The following GLI2 variants were observed in gnomAD, a reference collection of about 807,000 sequenced individuals.
The protein encoded by GLI2 is GLI family zinc finger 2.
Under a neutral mutation model 78.9 loss-of-function variants are expected in GLI2, and 22 were observed. The observed-to-expected ratio is 0.28, with a 90% CI of 0.20 to 0.40. The LOEUF is 0.40. Ranked by LOEUF, GLI2 falls within the 10% of genes least tolerant of loss-of-function variation. GLI2 has a pLI of 1.00. For missense variants in GLI2, 2,097 were observed against 2,213.2 expected (o/e 0.95, Z 1.05); for synonymous variants, 974 against 963.7 (o/e 1.01, Z -0.20).
chr2:120,841,067 C>T (rs995292105), intron 2 of GLI2, among the ~76,000 whole-genome samples: 5 of 152,132 alleles, frequency 3.3e-5, no homozygotes, highest in Non-Finnish European at 2.9e-5. Flanking sequence ...CCTTGTTGAT[C>T]GTATGGCTGA....
chr2:120,949,514 A>G (rs1680877411), intron 3 of GLI2, among the ~76,000 whole-genome samples: 1 of 152,242 alleles, frequency 6.6e-6, no homozygotes, highest in Non-Finnish European at 1.5e-5. Context: ...TTGAGCCTGG[A>G]ACAGTGCACC....
intron 5 of GLI2, among the ~76,000 whole-genome samples, chr2:120,966,453 A>G (rs1681861376): frequency 6.6e-6 from 1 of 152,068 alleles, no homozygotes; most frequent in Non-Finnish European, 1.5e-5. Flanking sequence ...CCTTCATCCC[A>G]GGCTGCTGGC....
chr2:120,893,100 A>G (rs1368731690), intron 2 of GLI2, among the ~76,000 whole-genome samples: 2 of 152,242 alleles, frequency 1.3e-5, no homozygotes, highest in Admixed American at 1.3e-4. Context: ...TGACTAAGGC[A>G]TCTTGCCACA....
At chr2:120,957,546 G>A (rs139123721) in intron 5 of GLI2, among the ~76,000 whole-genome samples, 1 of 152,352 alleles carries the variant, frequency 6.6e-6, no homozygotes, top group East Asian at 1.9e-4. Flanking sequence ...TCAGCTTCCT[G>A]CAAGCAGGAC....
intron 3 of GLI2, among the ~76,000 whole-genome samples, chr2:120,931,342 G>A (rs965419549): frequency 1.3e-5 from 2 of 152,142 alleles, no homozygotes; most frequent in African/African-American, 4.8e-5. Flanking sequence ...CTAGTCTGTG[G>A]GAGTTTTCTC....
chr2:120,982,864 G>T lies in GLI2; in HGVS notation c.1616G>T (p.Arg539Leu), dbSNP rs1682778434. ...TCGGACCGCGCCAAGCACCAGAATC[G>T]CACCCACTCCAACGAGGTACCTCTG... is the stretch of plus-strand genomic sequence containing the variant. ...NASDRAKHQN[R>L]THSNEKPYIC... Residue 539 changes from arginine (R) to leucine (L), a missense_variant, in exon 11 of 14, where the codon CGC (arginine) becomes CTC (leucine). Transcript: ENST00000361492. 1 of 1,613,974 alleles carries T rather than the reference G, an allele frequency of 6.2e-7. No homozygotes were observed.
At position 120,988,304 on chromosome 2, in the gene GLI2, C is replaced by G. The variant is rs1683081136; in HGVS notation, c.2339C>G (p.Thr780Ser). The G allele has an allele frequency of 3.2e-6, 5 of 1,562,476 alleles. No homozygotes were observed. The highest frequency in any genetic ancestry group is 1.8e-5 in the Admixed American group (1 of 56,510). Residue 780 changes from threonine (T) to serine (S), a missense_variant, in exon 14 of 14, where the codon ACC (threonine) becomes AGC (serine). Transcript: ENST00000361492. ...TCGGAGCTGTCCGCGAGCGAGGTGA[C>G]CATGCTGAGCCAGCTGCAGGAGCGC... is the stretch of plus-strand genomic sequence containing the variant. ...RLSELSASEV[T>S]MLSQLQERRD...
chr2:120,779,920 G>A lies in GLI2; in HGVS notation c.-30-17371G>A, dbSNP rs74406745. The stretch of plus-strand genomic sequence containing the variant: ...TTAGAGAGTGTATACGTGTGTGAGT[G>A]TGTGTTTGTGTGTGCGTATGTGTCA... On this transcript the variant is annotated intron_variant, in intron 1 of 13. Transcript: ENST00000361492. Among the ~76,000 whole-genome samples the A allele has an allele frequency of 9.0e-3, 1,364 of 152,330 alleles. 14 individuals carry two copies. The highest frequency in any genetic ancestry group is 0.031 in the African/African-American group (1,277 of 41,572).
intron 3 of GLI2, among the ~76,000 whole-genome samples, chr2:120,932,337 C>T (rs1679983074): frequency 6.6e-6 from 1 of 152,166 alleles, no homozygotes; most frequent in Admixed American, 6.5e-5. Flanking sequence ...CCTTGCACCT[C>T]CTGCTTTCCA....
rs887719452 is a variant in GLI2, at chr2:120,989,365, T to A, written c.3400T>A (p.Ser1134Thr). ...GCCTGTGCAGTGGAATGAGGTGAGC[T>A]CCGGCACCGTAGACGCCCTGGCCAG... Reference protein sequence around the residue: ...NMPVQWNEVSSGTVDALASQV... With the variant: ...NMPVQWNEVSTGTVDALASQV... Residue 1134 changes from serine (S) to threonine (T), a missense_variant, in exon 14 of 14, where the codon TCC becomes ACC. Ser to Thr is a moderately conservative substitution (Grantham distance 58). This residue lies in a region of GLI2 where 1,290 missense variants were observed against 1,261.7 expected (regional missense o/e 1.02). Coordinates refer to ENST00000361492, the MANE Select transcript of GLI2 (RefSeq NM_001374353.1). The A allele has an allele frequency of 1.2e-6, 2 of 1,612,806 alleles. No individual in the cohort carries two copies. Among genetic ancestry groups the A allele is most frequent in the Non-Finnish European group, 1.7e-6 (2 of 1,179,988 alleles).
At chr2:120,770,863 G>C (rs943196747) in intron 1 of GLI2, among the ~76,000 whole-genome samples, 3 of 152,200 alleles carry the variant, frequency 2.0e-5, no homozygotes, top group Non-Finnish European at 2.9e-5. Context: ...GCTGGGACCT[G>C]GTGGAAGGGG....
intron 2 of GLI2, among the ~76,000 whole-genome samples, chr2:120,921,892 A>C (rs547947649): frequency 1.4e-4 from 22 of 152,200 alleles, no homozygotes; most frequent in African/African-American, 5.3e-4. Context: ...TGCTGAAATC[A>C]CTGAGTTCTC....
chr2:120,738,568 C>G (rs1000627088), intron 1 of GLI2, among the ~76,000 whole-genome samples: 1 of 152,124 alleles, frequency 6.6e-6, no homozygotes, highest in African/African-American at 2.4e-5. Flanking sequence ...GCCCAGCTGC[C>G]CAGGAGGTAT....
At chr2:120,935,950 G>C (rs73949985) in intron 3 of GLI2, among the ~76,000 whole-genome samples, 1 of 152,176 alleles carries the variant, frequency 6.6e-6, no homozygotes, top group Admixed American at 6.5e-5. Context: ...GTGGTCAGCC[G>C]AGAGCAGGAG....
Position 120,800,493 on chromosome 2 carries a change from T to TA in GLI2, c.148+3025_148+3026insA, listed in dbSNP as rs58178343. ...GATGATTTATTATTATTATTATTAT[T>TA]TTATTTTTTATTTTTATTTATTTAT... On this transcript the variant is annotated intron_variant, in intron 2 of 13. Transcript: ENST00000361492. The surrounding 1 kb of genome is among the most constrained non-coding windows in gnomAD (Gnocchi z 4.1). 9.9e-5 allele frequency among the ~76,000 whole-genome samples: 11 copies of TA among 111,020 alleles called. No individual in the cohort carries two copies. Among genetic ancestry groups the TA allele is most frequent in the South Asian group, 3.3e-4 (1 of 2,988 alleles). 72.8% of individuals were successfully genotyped at this position (111,020 alleles called of 152,430 possible).
Position 120,980,934 on chromosome 2 carries a change from G to A in GLI2, c.1468-1782G>A, listed in dbSNP as rs180999694. 5.9e-5 allele frequency among the ~76,000 whole-genome samples: 9 copies of A among 151,636 alleles called. No homozygotes were observed. In the East Asian group the frequency reaches 1.7e-3, roughly 29 times the overall value. The stretch of plus-strand genomic sequence containing the variant: ...CTCCCTCTGTCACCCAGGCTAGAGT[G>A]CAATAGTGCCATCTTGGCTCACTGC... On this transcript the variant is annotated intron_variant, in intron 10 of 13. Transcript: ENST00000361492.
intron 3 of GLI2, among the ~76,000 whole-genome samples, chr2:120,946,539 G>A (rs79152461): frequency 0.025 from 3,860 of 152,228 alleles, 183 homozygotes; most frequent in African/African-American, 0.087. Flanking sequence ...CCTAGCTGTC[G>A]GAATTCAAGG....
At chr2:120,772,984 T>TATATCAATGTGTAA (rs1426492807) in intron 1 of GLI2, among the ~76,000 whole-genome samples, 1 of 152,250 alleles carries the variant, frequency 6.6e-6, no homozygotes, top group Non-Finnish European at 1.5e-5. Flanking sequence ...CCCATGTTAT[T>TATATCAATGTGTAA]ATATCAATGT....
At chr2:120,749,453 C>T (rs1682800311) in intron 1 of GLI2, among the ~76,000 whole-genome samples, 1 of 152,066 alleles carries the variant, frequency 6.6e-6, no homozygotes, top group Non-Finnish European at 1.5e-5. Flanking sequence ...CTCTTATGCC[C>T]TTTGGAGAGA....
Sources: gnomAD v4.1 joint callset for allele counts (sites outside exome capture counted in the v4.1 genomes callset) on GRCh38, gnomAD v4.1.1 for gene constraint, gnomAD v4.1.1 regional missense constraint, Gnocchi (gnomAD v3.1) non-coding constraint, MANE v1.5 for transcripts, NCBI Gene and HGNC (gene_info 2026-07-23, HGNC 2026-07-21) for gene names.